DPP9: variants seen among roughly 807,000 people sequenced by gnomAD.
DPP9 encodes the protein dipeptidyl peptidase IV-related protein-2.
In DPP9, 50 loss-of-function variants were observed where a neutral mutation model predicts 110.7. The ratio of observed to expected loss-of-function variants is 0.45; its 90% CI spans 0.36 to 0.57. The LOEUF is 0.57. Ranked by LOEUF, DPP9 falls within the 20% of genes least tolerant of loss-of-function variation. The probability of loss-of-function intolerance (pLI) is 0.00; values close to 1 mark genes in which losing one functional copy is unlikely to be tolerated. For missense variants in DPP9, 1,022 were observed against 1,217.9 expected (o/e 0.84, Z 2.39); for synonymous variants, 561 against 514.4 (o/e 1.09, Z -1.23).
Position 4,697,579 on chromosome 19 carries a change from T to G in DPP9, c.1147A>C (p.Arg383=). The change falls in exon 11 of 22, where the codon AGG becomes CGG. Residue 383 remains arginine, a synonymous_variant. Transcript: ENST00000262960. ...SLFPKVEYIA[R]AGWTRDGKYA... Reference sequence around the variant, plus strand: ...TTGCCATCCCGGGTCCACCCGGCCCTGGCGATGTACTCCACCTTCGGGAAC... The same window carrying G: ...TTGCCATCCCGGGTCCACCCGGCCCGGGCGATGTACTCCACCTTCGGGAAC... 6.2e-7 allele frequency: 1 copy of G among 1,613,838 alleles called. No homozygotes were observed. The highest frequency in any genetic ancestry group is 1.1e-5 in the South Asian group (1 of 91,088).
chr19:4,685,237 G>C lies in DPP9; in HGVS notation c.2031+389C>G. Reference sequence around the variant, plus strand: ...CCTCTGTGGGGACAGAGCTGCTCTGGGTAAGATGTGCGCCTAAGATGGTCC... The same window carrying C: ...CCTCTGTGGGGACAGAGCTGCTCTGCGTAAGATGTGCGCCTAAGATGGTCC... On this transcript the variant is annotated intron_variant, in intron 17 of 21. Coordinates refer to ENST00000262960, the MANE Select transcript of DPP9 (RefSeq NM_139159.5). The surrounding 1 kb of genome is among the most constrained non-coding windows in gnomAD (Gnocchi z 5.8). The C allele has an allele frequency of 1.9e-6, 1 of 520,576 alleles. No homozygotes were observed. Among genetic ancestry groups the C allele is most frequent in the South Asian group, 1.5e-5 (1 of 65,148 alleles). 32.2% of individuals were successfully genotyped at this position (520,576 alleles called of 1,614,324 possible). A position where few individuals can be genotyped will look rare whatever the true frequency, so the allele number is the denominator to read the frequency against.
At chr19:4,681,862 T>C (rs2089938150) in intron 20 of DPP9, among the ~76,000 whole-genome samples, 1 of 147,842 alleles carries the variant, frequency 6.8e-6, no homozygotes, top group South Asian at 2.2e-4. Context: ...TTTTTTTTTT[T>C]TTGAATTGGA....
At chr19:4,692,237 A>G (rs2091394463) in intron 13 of DPP9, among the ~76,000 whole-genome samples, 1 of 152,124 alleles carries the variant, frequency 6.6e-6, no homozygotes, top group Admixed American at 6.6e-5. Context: ...CAGGTAAAGA[A>G]TGACAGTGCG....
In DPP9 at chr19:4,714,284, G is replaced by A. The variant is rs755414812; in HGVS notation, c.110C>T (p.Thr37Met). The change falls in exon 4 of 22, where the codon ACG becomes ATG. Residue 37 changes from threonine to methionine, a missense_variant. Thr to Met is a moderately conservative substitution (Grantham distance 81). Around this residue, in one of 3 missense-constraint regions of DPP9, gnomAD observed 810 missense variants for 920.6 expected, o/e 0.88. Coordinates refer to ENST00000262960, the MANE Select transcript of DPP9 (RefSeq NM_139159.5). ...GGCGGCTGCGTCGCCTCGGTCGGCC[G>A]TTGGGGTCCCGGTGGTGGCCATCCT... ...AERMATTGTPTADRGDAAATD... is the reference protein window; with the variant it reads ...AERMATTGTPMADRGDAAATD... 175 of 1,551,500 alleles carry A rather than the reference G, an allele frequency of 1.1e-4. 1 individual carries two copies. Among genetic ancestry groups the A allele is most frequent in the Admixed American group, 1.3e-4 (7 of 52,830 alleles).
rs2092464092 is a variant in DPP9, at chr19:4,704,336, C to T, written c.427-32G>A. 6.3e-7 allele frequency: 1 copy of T among 1,588,512 alleles called. No homozygotes were observed. The highest frequency in any genetic ancestry group is 1.1e-5 in the South Asian group (1 of 90,650). ...ACATACAGGGGACAGGGGGCAGCGTCAGTGGGCAAAGAGGATCTCCCGCTG... is the reference window on the plus strand; with the variant it reads ...ACATACAGGGGACAGGGGGCAGCGTTAGTGGGCAAAGAGGATCTCCCGCTG... On this transcript the variant is annotated intron_variant, in intron 5 of 21. Transcript: ENST00000262960. The surrounding 1 kb of genome is among the most constrained non-coding windows in gnomAD (Gnocchi z 6.0).
At chr19:4,716,905 C>T (rs920445888) in intron 3 of DPP9, among the ~76,000 whole-genome samples, 2 of 152,092 alleles carry the variant, frequency 1.3e-5, no homozygotes, top group African/African-American at 4.8e-5. Flanking sequence ...GAGAACTGCC[C>T]GTGCCGTGCT....
chr19:4,679,883 G>T lies in DPP9; in HGVS notation c.2538C>A (p.Asn846Lys), dbSNP rs776525922. 8.1e-6 allele frequency: 13 copies of T among 1,613,510 alleles called. No homozygotes were observed. The highest frequency in any genetic ancestry group is 1.1e-5 in the Non-Finnish European group (13 of 1,179,824). Residue 846 changes from asparagine (N) to lysine (K), a missense_variant, in exon 21 of 22, where the codon AAC becomes AAA. By Grantham distance (94) the Asn-to-Lys change is moderately conservative. This residue lies in a region of DPP9 where 209 missense variants were observed against 280.4 expected (regional missense o/e 0.75). Transcript: ENST00000262960. ...LDENVHFFHT[N>K]FLVSQLIRAG... ...CTCGGATCAGTTGGGAGACGAGGAA[G>T]TTTGTGTGGAAAAAGTGCACGTTTT...
intron 1 of DPP9, chr19:4,722,899 G>A (rs1164821789): frequency 3.7e-6 from 1 of 273,358 alleles, no homozygotes. Context: ...CAGGGGGTGG[G>A]GGCCAAGGGA....
At chr19:4,683,752 C>T in intron 18 of DPP9, 123 bp from the exon 19 acceptor site, 1 of 1,597,002 alleles carries the variant, frequency 6.3e-7, no homozygotes, top group East Asian at 2.3e-5. Context: ...CGCTGGAAGC[C>T]CCCTGTCCTT....
intron 5 of DPP9, among the ~76,000 whole-genome samples, chr19:4,705,418 T>G (rs2092533273): frequency 6.6e-6 from 1 of 152,172 alleles, no homozygotes; most frequent in South Asian, 2.1e-4. Context: ...GACAGGCTCT[T>G]GCTGTGTTCC....
intron 21 of DPP9, among the ~76,000 whole-genome samples, chr19:4,678,835 A>G (rs1053072880): frequency 6.6e-6 from 1 of 152,034 alleles, no homozygotes; most frequent in South Asian, 2.1e-4. Context: ...CTTGCCTCCA[A>G]GATACCTCCT....
chr19:4,717,219 G>T (rs1164094596), intron 3 of DPP9, among the ~76,000 whole-genome samples: 1 of 152,204 alleles, frequency 6.6e-6, no homozygotes, highest in Non-Finnish European at 1.5e-5. Flanking sequence ...ATAAAGACAC[G>T]AACCAAAGGA....
intron 10 of DPP9, among the ~76,000 whole-genome samples, chr19:4,699,974 G>A (rs577123149): frequency 1.4e-4 from 22 of 152,316 alleles, no homozygotes; most frequent in African/African-American, 4.3e-4. Context: ...TTACCGCGGC[G>A]TGGCCTCCAG....
intron 18 of DPP9, 24 bp from the exon 19 acceptor site, chr19:4,683,653 C>A: frequency 6.2e-7 from 1 of 1,613,242 alleles, no homozygotes; most frequent in Non-Finnish European, 8.5e-7. Context: ...CCGGGCACCT[C>A]TCAGTGGCCT....
At position 4,704,886 on chromosome 19, in the gene DPP9, C is replaced by G. The variant is rs2092499334; in HGVS notation, c.427-582G>C. ...TGGTGGCACGCGCCTGTAGTCCCAG[C>G]TACTTGGGACGCTGAGGCAGAAGAA... is the stretch of plus-strand genomic sequence containing the variant. On this transcript the variant is annotated intron_variant, in intron 5 of 21. Coordinates refer to ENST00000262960, the MANE Select transcript of DPP9 (RefSeq NM_139159.5). The surrounding 1 kb of genome is among the most constrained non-coding windows in gnomAD (Gnocchi z 6.0). Among the ~76,000 whole-genome samples the G allele has an allele frequency of 2.6e-5, 4 of 152,172 alleles. No individual in the cohort carries two copies. Among genetic ancestry groups the G allele is most frequent in the African/African-American group, 9.7e-5 (4 of 41,442 alleles).
chr19:4,701,909 T>C (rs1446694714), intron 9 of DPP9, 118 bp downstream of exon 9: 3 of 1,418,260 alleles, frequency 2.1e-6, no homozygotes, highest in Middle Eastern at 2.1e-4. Context: ...TACACCCCCA[T>C]AGATGCCCAG....
Position 4,679,945 on chromosome 19 carries a change from G to T in DPP9, c.2476C>A (p.Pro826Thr). The T allele has an allele frequency of 6.2e-7, 1 of 1,610,560 alleles. No homozygotes were observed. Among genetic ancestry groups the T allele is most frequent in the Non-Finnish European group, 8.5e-7 (1 of 1,178,416 alleles). The change falls in exon 21 of 22, where the codon CCC becomes ACC. Residue 826 changes from proline to threonine, a missense_variant and splice_region_variant. Physicochemically the swap from Pro to Thr is conservative, Grantham distance 38. Around this residue, in one of 3 missense-constraint regions of DPP9, gnomAD observed 209 missense variants for 280.4 expected, o/e 0.75. Coordinates refer to ENST00000262960, the MANE Select transcript of DPP9 (RefSeq NM_139159.5). ...CCGTGGAGGATAAGCAAGCGGTTGG[G>T]CCTGGAAAACAGATGGGGAAGGGTC... Reference protein sequence around the residue: ...ALHVEKLPNEPNRLLILHGFL... With the variant: ...ALHVEKLPNETNRLLILHGFL...
At position 4,704,297 on chromosome 19, in the gene DPP9, G is replaced by C. The variant is rs1358771247; in HGVS notation, c.434C>G (p.Pro145Arg). 2 of 1,612,322 alleles carry C rather than the reference G, an allele frequency of 1.2e-6. No homozygotes were observed. The highest frequency in any genetic ancestry group is 1.7e-6 in the Non-Finnish European group (2 of 1,179,772). ...KQMLDHFQATPHHGVYSREEE... is the reference protein window; with the variant it reads ...KQMLDHFQATRHHGVYSREEE... ...CTCCCGAGAGTAGACCCCATGGTGGGGCGTGGCCTGGAAACATACAGGGGA... is the reference window on the plus strand; with the variant it reads ...CTCCCGAGAGTAGACCCCATGGTGGCGCGTGGCCTGGAAACATACAGGGGA... The change falls in exon 6 of 22, where the codon CCC becomes CGC. Residue 145 changes from proline to arginine, a missense_variant. Physicochemically the swap from Pro to Arg is moderately radical, Grantham distance 103. This residue lies in a region of DPP9 where 810 missense variants were observed against 920.6 expected (regional missense o/e 0.88). Coordinates refer to ENST00000262960, the MANE Select transcript of DPP9 (RefSeq NM_139159.5). This position sits in a 1 kb window ranked among gnomAD's most constrained non-coding sequence, Gnocchi z 6.0.
chr19:4,697,425 T>C (rs551512483), intron 11 of DPP9, 126 bp downstream of exon 11: 17 of 758,476 alleles, frequency 2.2e-5, no homozygotes, highest in Middle Eastern at 2.4e-4. Context: ...GTCCTGGCGG[T>C]TGCACTGCGG....
Sources: gnomAD v4.1 joint callset for allele counts (sites outside exome capture counted in the v4.1 genomes callset) on GRCh38, gnomAD v4.1.1 for gene constraint, gnomAD v4.1.1 regional missense constraint, Gnocchi (gnomAD v3.1) non-coding constraint, MANE v1.5 for transcripts, NCBI Gene and HGNC (gene_info 2026-07-23, HGNC 2026-07-21) for gene names.